The following HECW1 variants were observed in gnomAD, a reference collection of about 807,000 sequenced individuals.
The protein encoded by HECW1 is HECT, C2 and WW domain containing E3 ubiquitin protein ligase 1.
A neutral mutation model predicts 182.3 loss-of-function variants in HECW1; 61 were observed. That is an observed-to-expected ratio of 0.33 (90% confidence interval 0.27 to 0.41). The LOEUF (loss-of-function observed/expected upper bound fraction) is 0.41, where lower values mean the gene tolerates loss of function less well. Ranked by LOEUF, HECW1 falls within the 10% of genes least tolerant of loss-of-function variation. HECW1 has a pLI of 1.00. For synonymous variants in HECW1, 859 were observed against 832.6 expected, an observed-to-expected ratio of 1.03 and a Z score of -0.55; for missense variants, 1,739 against 2,108.9, an observed-to-expected ratio of 0.82 and a Z score of 3.44.
intron 4 of HECW1, among the ~76,000 whole-genome samples, chr7:43,317,750 A>G (rs1809514459): frequency 6.6e-6 from 1 of 152,054 alleles, no homozygotes; most frequent in Admixed American, 6.6e-5. Flanking sequence ...ACTAACAGCC[A>G]GTCCTTTAAA....
At chr7:43,268,163 CAG>C (rs571046345) in intron 3 of HECW1, among the ~76,000 whole-genome samples, 108 of 152,338 alleles carry the variant, frequency 7.1e-4, no homozygotes, top group Middle Eastern at 6.8e-3. Context: ...CCTGTGTGTG[CAG>C]AGTCTCTGCC....
rs556660655 is a variant in HECW1, at chr7:43,169,758, G to A, written c.-32+55367G>A. ...GGCTAGAGTACAGTGGCATGATCTCGGCTCACTGCAAGCTTCGCCTCCCGG... is the reference window on the plus strand; with the variant it reads ...GGCTAGAGTACAGTGGCATGATCTCAGCTCACTGCAAGCTTCGCCTCCCGG... On this transcript the variant is annotated intron_variant, in intron 2 of 29. Transcript: ENST00000395891. Among the ~76,000 whole-genome samples, 281 of 143,576 alleles carry A rather than the reference G, an allele frequency of 2.0e-3. 2 individuals are homozygous for A. Among genetic ancestry groups the A allele is most frequent in the African/African-American group, 6.9e-3 (262 of 37,922 alleles). 94.2% of individuals were successfully genotyped at this position (143,576 alleles called of 152,430 possible). A position where few individuals can be genotyped will look rare whatever the true frequency, so the allele number is the denominator to read the frequency against.
chr7:43,414,939 C>A (rs952374544), intron 8 of HECW1, among the ~76,000 whole-genome samples: 12 of 151,984 alleles, frequency 7.9e-5, no homozygotes, highest in Non-Finnish European at 1.3e-4. Context: ...TGTCTCTGCC[C>A]GGCTTTGGTA....
intron 2 of HECW1, among the ~76,000 whole-genome samples, chr7:43,213,439 ATTT>A (rs35199868): frequency 0.03 from 2,752 of 92,536 alleles, 27 homozygotes; most frequent in East Asian, 0.15. Context: ...GATCATAAGA[ATTT>A]TTTTTTTTTT....
At chr7:43,483,267 C>A (rs1188450618) in intron 17 of HECW1, among the ~76,000 whole-genome samples, 2 of 152,232 alleles carry the variant, frequency 1.3e-5, no homozygotes, top group Admixed American at 6.5e-5. Flanking sequence ...GCATTTGGGG[C>A]AGGACAATTC....
chr7:43,399,053 AT>A (rs2075321085), intron 7 of HECW1, among the ~76,000 whole-genome samples: 1 of 152,242 alleles, frequency 6.6e-6, no homozygotes, highest in Non-Finnish European at 1.5e-5. Context: ...TCCAGGAGCA[AT>A]TTGGGGGTAG....
chr7:43,219,827 CT>C (rs1309175166), intron 2 of HECW1, among the ~76,000 whole-genome samples: 1 of 152,102 alleles, frequency 6.6e-6, no homozygotes, highest in Non-Finnish European at 1.5e-5. Flanking sequence ...CTTCTTCTTT[CT>C]TTGGAGGCAG....
chr7:43,513,649 T>C (rs1157079364), intron 24 of HECW1, among the ~76,000 whole-genome samples: 1 of 125,394 alleles, frequency 8.0e-6, no homozygotes, highest in Non-Finnish European at 1.8e-5. Flanking sequence ...ACACGTTAAG[T>C]AAGCTGGAAA....
At chr7:43,116,222 GTTAT>G (rs1379653556) in intron 2 of HECW1, among the ~76,000 whole-genome samples, 2 of 152,208 alleles carry the variant, frequency 1.3e-5, no homozygotes, top group East Asian at 3.9e-4. Context: ...GTAGGTTTTG[GTTAT>G]TTATTTTTTT....
intron 3 of HECW1, among the ~76,000 whole-genome samples, chr7:43,287,447 A>G (rs2152752081): frequency 6.6e-6 from 1 of 150,728 alleles, no homozygotes; most frequent in South Asian, 2.2e-4. Flanking sequence ...CAATGGTGGG[A>G]GAAGGAAGTC....
chr7:43,442,739 T>C, intron 10 of HECW1, 110 bp downstream of exon 10: 1 of 775,758 alleles, frequency 1.3e-6, no homozygotes, highest in Non-Finnish European at 2.2e-6. Flanking sequence ...CTAGGTTTTG[T>C]GGTTATCTTC....
intron 26 of HECW1, among the ~76,000 whole-genome samples, chr7:43,545,131 C>G (rs1181289316): frequency 1.3e-5 from 2 of 152,120 alleles, no homozygotes; most frequent in Non-Finnish European, 2.9e-5. Context: ...TATACATTCC[C>G]CAGCATATGC....
At position 43,564,593 on chromosome 7, in the gene HECW1, T is replaced by G. The variant is rs1361266770; in HGVS notation, c.*2667T>G. ...AAAAGTGCAAAATTTCATGAAGAAA[T>G]GCTGATGTCACGGTCACCTGAAAGA... On this transcript the variant is annotated 3_prime_UTR_variant, in exon 30 of 30. Coordinates refer to ENST00000395891, the MANE Select transcript of HECW1 (RefSeq NM_015052.5). 2 of 184,758 alleles carry G rather than the reference T, an allele frequency of 1.1e-5. No individual in the cohort carries two copies. Among genetic ancestry groups the G allele is most frequent in the Non-Finnish European group, 2.3e-5 (2 of 87,166 alleles). The allele number at this position is 184,758 out of a possible 1,614,324, so 11.4% of individuals were successfully genotyped here.
At chr7:43,212,572 G>A (rs73099684) in intron 2 of HECW1, among the ~76,000 whole-genome samples, 5,927 of 152,050 alleles carry the variant, frequency 0.039, 177 homozygotes, top group Middle Eastern at 0.071. Flanking sequence ...AGGCTATTAC[G>A]CTGCACTCTT....
intron 2 of HECW1, among the ~76,000 whole-genome samples, chr7:43,192,832 C>T (rs1794056286): frequency 6.6e-6 from 1 of 152,136 alleles, no homozygotes; most frequent in Non-Finnish European, 1.5e-5. Flanking sequence ...CCTGGAAAGC[C>T]ACCTGGGCTC....
intron 2 of HECW1, among the ~76,000 whole-genome samples, chr7:43,230,780 C>A (rs1797814040): frequency 6.6e-6 from 1 of 152,016 alleles, no homozygotes; most frequent in African/African-American, 2.4e-5. Flanking sequence ...AAAGGAAAAA[C>A]AAACAGCAAA....
intron 24 of HECW1, among the ~76,000 whole-genome samples, chr7:43,535,098 C>T (rs569159542): frequency 2.6e-4 from 40 of 152,164 alleles, no homozygotes; most frequent in Non-Finnish European, 5.3e-4. Flanking sequence ...ACCAAGGCAG[C>T]CTAACATCAG....
chr7:43,454,392 G>T lies in HECW1; in HGVS notation c.2501-1905G>T, dbSNP rs186199221. Among the ~76,000 whole-genome samples, 44 of 152,192 alleles carry T rather than the reference G, an allele frequency of 2.9e-4. 1 individual carries two copies. Among genetic ancestry groups the T allele is most frequent in the Admixed American group, 5.2e-4 (8 of 15,294 alleles). ...CTACTGCTTTTACTAATATTAGTTTGGGATCCATTAAAATTTTTAAGTTTC... is the reference window on the plus strand; with the variant it reads ...CTACTGCTTTTACTAATATTAGTTTTGGATCCATTAAAATTTTTAAGTTTC... On this transcript the variant is annotated intron_variant, in intron 12 of 29. Transcript: ENST00000395891.
At chr7:43,546,214 C>G (rs2081553832) in intron 26 of HECW1, among the ~76,000 whole-genome samples, 1 of 146,618 alleles carries the variant, frequency 6.8e-6, no homozygotes, top group South Asian at 2.2e-4. Flanking sequence ...CCCTTTACCC[C>G]CAACCTTTTT....
Sources: allele counts gnomAD v4.1 joint callset (sites outside exome capture counted in the v4.1 genomes callset), GRCh38; gene constraint gnomAD v4.1.1; transcripts MANE v1.5; gene names NCBI Gene and HGNC (gene_info 2026-07-23, HGNC 2026-07-21).